Variants in SPTAN1 observed in about 807,000 individuals in gnomAD.
SPTAN1 encodes spectrin alpha chain, non-erythrocytic 1.
A neutral mutation model predicts 331.3 loss-of-function variants in SPTAN1; 61 were observed. That is an observed-to-expected ratio of 0.18 (90% confidence interval 0.15 to 0.23). The LOEUF is 0.23. SPTAN1 is among the 10% of genes least tolerant of loss of function. The probability of loss-of-function intolerance (pLI) is 1.00; values close to 1 mark genes in which losing one functional copy is unlikely to be tolerated. For synonymous variants in SPTAN1, 1,153 were observed against 1,173.9 expected, an observed-to-expected ratio of 0.98 and a Z score of 0.36; for missense variants, 2,043 against 3,147.9, an observed-to-expected ratio of 0.65 and a Z score of 8.40.
chr9:128,605,849 A>T (rs1029973241), intron 31 of SPTAN1, among the ~76,000 whole-genome samples: 2 of 152,090 alleles, frequency 1.3e-5, no homozygotes, highest in African/African-American at 2.4e-5. Flanking sequence ...AAAATTAGCC[A>T]GGTGTGGTGG....
chr9:128,578,516 A>G (rs541676041), intron 9 of SPTAN1, among the ~76,000 whole-genome samples: 2 of 152,314 alleles, frequency 1.3e-5, no homozygotes, highest in East Asian at 3.9e-4. Context: ...TACTTGGCAC[A>G]TTGATCCTTT....
At chr9:128,609,047 G>T in intron 35 of SPTAN1, 70 bp downstream of exon 35, 3 of 1,613,896 alleles carry the variant, frequency 1.9e-6, no homozygotes, top group Non-Finnish European at 2.5e-6. Flanking sequence ...GAAGGCCCAG[G>T]CCTGTTCTGT....
At chr9:128,586,055 G>T in intron 19 of SPTAN1, 90 bp downstream of exon 19, 1 of 1,091,550 alleles carries the variant, frequency 9.2e-7, no homozygotes. Context: ...TGATGCGCGG[G>T]AGGTGTGCAT....
chr9:128,590,156 C>T (rs961979022), intron 21 of SPTAN1, among the ~76,000 whole-genome samples: 9 of 152,144 alleles, frequency 5.9e-5, no homozygotes, highest in Non-Finnish European at 1.3e-4. Context: ...TATTCCCATT[C>T]CCACACCTTA....
At chr9:128,568,414 G>A (rs1850282668) in intron 2 of SPTAN1, among the ~76,000 whole-genome samples, 1 of 152,076 alleles carries the variant, frequency 6.6e-6, no homozygotes, top group South Asian at 2.1e-4. Flanking sequence ...GAAAACTGTT[G>A]GTATGGTTCT....
chr9:128,592,470 T>C (rs1853661944), intron 22 of SPTAN1, among the ~76,000 whole-genome samples: 1 of 152,186 alleles, frequency 6.6e-6, no homozygotes, highest in South Asian at 2.1e-4. Flanking sequence ...AGATGGGGTT[T>C]CACTGTGTTG....
intron 5 of SPTAN1, among the ~76,000 whole-genome samples, chr9:128,575,977 C>T (rs780891902): frequency 7.2e-5 from 11 of 152,086 alleles, no homozygotes; most frequent in Non-Finnish European, 1.3e-4. Context: ...TATAAATCTG[C>T]TTATAGGCTG....
chr9:128,590,615 G>A (rs1393912071), intron 21 of SPTAN1, among the ~76,000 whole-genome samples: 1 of 151,518 alleles, frequency 6.6e-6, no homozygotes, highest in Admixed American at 6.6e-5. Context: ...GCTTTGGGAG[G>A]CTGAGGTGGG....
chr9:128,613,566 GAA>G, intron 40 of SPTAN1, 81 bp downstream of exon 40: 2 of 1,178,094 alleles, frequency 1.7e-6, no homozygotes, highest in Non-Finnish European at 2.5e-6. Flanking sequence ...GCGTGTTTGA[GAA>G]AAGAGAGTGA....
chr9:128,554,742 CGGAGGA>C (rs916735510), intron 1 of SPTAN1, among the ~76,000 whole-genome samples: 1 of 152,172 alleles, frequency 6.6e-6, no homozygotes, highest in Admixed American at 6.5e-5. Context: ...TCCAGGAATG[CGGAGGA>C]GGAGGAGGAC....
intron 37 of SPTAN1, 100 bp downstream of exon 37, chr9:128,609,765 G>T: frequency 1.3e-6 from 1 of 750,352 alleles, no homozygotes; most frequent in Non-Finnish European, 2.1e-6. Context: ...ACGGTTTGCT[G>T]GTGTCTCTTC....
intron 11 of SPTAN1, 143 bp from the exon 12 acceptor site, chr9:128,581,639 T>G: frequency 2.7e-6 from 2 of 747,650 alleles, no homozygotes; most frequent in Non-Finnish European, 4.8e-6. Flanking sequence ...ACTTTAGACT[T>G]CCTAGAAGAG....
At chr9:128,632,535 G>C (rs746115201) in intron 54 of SPTAN1, 37 bp from the exon 55 acceptor site, 1 of 1,614,120 alleles carries the variant, frequency 6.2e-7, no homozygotes, top group Admixed American at 1.7e-5. Flanking sequence ...TCGGCAGCAG[G>C]GCTGCCTGCT....
chr9:128,588,517 G>T (rs1852981489), intron 20 of SPTAN1, among the ~76,000 whole-genome samples: 1 of 151,256 alleles, frequency 6.6e-6, no homozygotes, highest in African/African-American at 2.4e-5. Flanking sequence ...CTCCATGTTG[G>T]TCAGGCTGGT....
Position 128,625,298 on chromosome 9 carries a change from G to A in SPTAN1, c.6069+119G>A. The A allele has an allele frequency of 9.6e-7, 1 of 1,046,144 alleles. No individual in the cohort carries two copies. Among genetic ancestry groups the A allele is most frequent in the Admixed American group, 2.0e-5 (1 of 50,796 alleles). 64.8% of individuals were successfully genotyped at this position (1,046,144 alleles called of 1,614,324 possible). A position where few individuals can be genotyped will look rare whatever the true frequency, so the allele number is the denominator to read the frequency against. On this transcript the variant is annotated intron_variant, in intron 47 of 56. Coordinates refer to ENST00000372739, the MANE Select transcript of SPTAN1 (RefSeq NM_001130438.3). The surrounding 1 kb of genome is among the most constrained non-coding windows in gnomAD (Gnocchi z 4.1). ...AGCCCCTGGGGATCAGCAGGAAAAA[G>A]ATCCTGTCCTGGTCCTCAGGGAGCT...
intron 2 of SPTAN1, among the ~76,000 whole-genome samples, chr9:128,567,200 A>G (rs959537427): frequency 3.3e-5 from 5 of 152,224 alleles, no homozygotes; most frequent in Admixed American, 6.5e-5. Flanking sequence ...ATGGTTCTCA[A>G]ACCTCTGCCT....
chr9:128,582,410 A>T, intron 12 of SPTAN1, 69 bp from the exon 13 acceptor site: 1 of 1,349,040 alleles, frequency 7.4e-7, no homozygotes. Context: ...TTCAGCAGTT[A>T]CTTTTCTCCA....
chr9:128,603,346 C>G (rs543063864), intron 27 of SPTAN1, among the ~76,000 whole-genome samples, 197 bp from the exon 28 acceptor site: 20 of 152,208 alleles, frequency 1.3e-4, no homozygotes, highest in African/African-American at 4.6e-4. Context: ...TCAGTTGAGT[C>G]TAATTGTGCA....
Position 128,633,484 on chromosome 9 carries a change from C to T in SPTAN1, c.*150C>T. ...GAGAAAATGGTGCTTCACTAACCCG[C>T]TTCCGGTCCAGTCACAATCATCATG... On this transcript the variant is annotated 3_prime_UTR_variant, in exon 57 of 57. Transcript: ENST00000372739. The T allele has an allele frequency of 7.5e-7, 1 of 1,341,668 alleles. No homozygotes were observed. Among genetic ancestry groups the T allele is most frequent in the East Asian group, 2.3e-5 (1 of 43,226 alleles). 83.1% of individuals were successfully genotyped at this position (1,341,668 alleles called of 1,614,324 possible).
Sources: gnomAD v4.1 joint callset for allele counts (sites outside exome capture counted in the v4.1 genomes callset) on GRCh38, gnomAD v4.1.1 for gene constraint, Gnocchi (gnomAD v3.1) non-coding constraint, MANE v1.5 for transcripts, NCBI Gene and HGNC (gene_info 2026-07-23, HGNC 2026-07-21) for gene names.